MRAP2: variants seen among roughly 807,000 people sequenced by gnomAD.
MRAP2 encodes the protein melanocortin-2 receptor accessory protein 2.
MRAP2 carries 20 observed loss-of-function variants against 17.4 expected under a neutral mutation model. That is an observed-to-expected ratio of 1.15 (90% CI 0.81 to 1.67). The LOEUF (loss-of-function observed/expected upper bound fraction) is 1.67. Ranked by LOEUF, MRAP2 falls within the 40% of genes most tolerant of loss-of-function variation. MRAP2 has a pLI of 0.00. For missense variants in MRAP2, 238 were observed against 240.0 expected (o/e 0.99, Z 0.05); for synonymous variants, 96 against 88.4 (o/e 1.09, Z -0.48).
At chr6:84,048,306 T>A (rs1183218285) in intron 1 of MRAP2, among the ~76,000 whole-genome samples, 1 of 152,220 alleles carries the variant, frequency 6.6e-6, no homozygotes, top group Non-Finnish European at 1.5e-5. Context: ...ATAATTGCCA[T>A]CTTAATAGGG....
intron 3 of MRAP2, among the ~76,000 whole-genome samples, chr6:84,072,959 A>G (rs899594744): frequency 5.9e-5 from 9 of 152,100 alleles, no homozygotes; most frequent in Admixed American, 1.3e-4. Flanking sequence ...GTTTCCAGGC[A>G]ATGGGCAGCC....
the MRAP2 span, among the ~76,000 whole-genome samples, chr6:84,128,402 C>T: frequency 6.6e-6 from 1 of 152,008 alleles, no homozygotes; most frequent in Non-Finnish European, 1.5e-5. Context: ...GCTATGTACA[C>T]ATTATTTAAA....
the MRAP2 span, chr6:84,124,894 C>G: frequency 1.6e-6 from 1 of 618,746 alleles, no homozygotes. Context: ...TAAAATACAC[C>G]ATTATATGTT....
chr6:84,035,219 C>T (rs1303387885), intron 1 of MRAP2, among the ~76,000 whole-genome samples: 2 of 152,148 alleles, frequency 1.3e-5, no homozygotes, highest in African/African-American at 4.8e-5. Flanking sequence ...AAATGGCAGA[C>T]GTCCTAGAGT....
intron 2 of MRAP2, among the ~76,000 whole-genome samples, chr6:84,061,566 G>C (rs1252721618): frequency 6.6e-6 from 1 of 152,204 alleles, no homozygotes; most frequent in Non-Finnish European, 1.5e-5. Context: ...AATTAGTTGA[G>C]GCTTAGTAGA....
chr6:84,093,310 T>A (rs141887429), downstream of MRAP2, among the ~76,000 whole-genome samples: 711 of 152,226 alleles, frequency 4.7e-3, 12 homozygotes, highest in African/African-American at 0.016. Context: ...TTATCCTATG[T>A]AGGAACTTGA....
chr6:84,109,097 G>A, the MRAP2 span, among the ~76,000 whole-genome samples: 9 of 152,006 alleles, frequency 5.9e-5, no homozygotes, highest in African/African-American at 1.9e-4. Flanking sequence ...GTTTGAAGGC[G>A]GGTAGTGTGA....
chr6:84,061,859 G>T lies in MRAP2; in HGVS notation c.128-1034G>T, dbSNP rs1033420206. 5.1e-6 allele frequency: 5 copies of T among 985,320 alleles called. No homozygotes were observed. The Admixed American group carries it at 2.5e-4, about 48-fold the overall frequency. 61.0% of individuals were successfully genotyped at this position (985,320 alleles called of 1,614,324 possible). On this transcript the variant is annotated intron_variant, in intron 2 of 3. Transcript: ENST00000257776. ...CATTGTATAAAGTGCTTTATGTGTG[G>T]AATCTCTTTTACTCTGGAAAAGTGG...
At chr6:84,143,454 T>C in the MRAP2 span, among the ~76,000 whole-genome samples, 1 of 151,920 alleles carries the variant, frequency 6.6e-6, no homozygotes, top group Non-Finnish European at 1.5e-5. Context: ...ATGCAAAATA[T>C]ACAAGGAAAA....
the MRAP2 span, among the ~76,000 whole-genome samples, chr6:84,119,062 T>C: frequency 1.3e-5 from 2 of 152,236 alleles, no homozygotes; most frequent in South Asian, 2.1e-4. Context: ...TTTGTGATAA[T>C]ATACTGTTTT....
chr6:84,114,459 C>T, the MRAP2 span, among the ~76,000 whole-genome samples: 2,278 of 152,146 alleles, frequency 0.015, 46 homozygotes, highest in African/African-American at 0.051. Context: ...ACTGGTCATT[C>T]TAGTTAGGAA....
rs373338668 is a variant in MRAP2 at position 84,082,604 on chromosome 6, GTC to G, written c.228-6478_228-6477del. Among the ~76,000 whole-genome samples the G allele has an allele frequency of 1.2e-3, 177 of 152,036 alleles. 3 individuals carry two copies. Among genetic ancestry groups the G allele is most frequent in the African/African-American group, 4.1e-3 (171 of 41,468 alleles). On this transcript the variant is annotated intron_variant, in intron 3 of 3. Coordinates refer to ENST00000257776, the MANE Select transcript of MRAP2 (RefSeq NM_138409.4). Reference sequence around the variant, plus strand: ...TCTTCTTACTTATAACTTCCTCCATGTCTCTCTCTCCTGCTTACCAGTAGAGA... The same window carrying G: ...TCTTCTTACTTATAACTTCCTCCATGTCTCTCTCCTGCTTACCAGTAGAGA...
At chr6:84,122,899 A>G in the MRAP2 span, among the ~76,000 whole-genome samples, 1 of 152,132 alleles carries the variant, frequency 6.6e-6, no homozygotes, top group Non-Finnish European at 1.5e-5. Flanking sequence ...TACAAAATCA[A>G]TATACAAAAC....
At chr6:84,073,431 G>A (rs1055481978) in intron 3 of MRAP2, among the ~76,000 whole-genome samples, 6 of 152,198 alleles carry the variant, frequency 3.9e-5, no homozygotes, top group African/African-American at 1.4e-4. Flanking sequence ...CACAGTATTT[G>A]GGGTATCTCC....
the MRAP2 span, among the ~76,000 whole-genome samples, chr6:84,110,689 G>C: frequency 6.6e-6 from 1 of 152,314 alleles, no homozygotes; most frequent in East Asian, 1.9e-4. Flanking sequence ...CCTATGTCCT[G>C]AATGGTATTG....
chr6:84,130,998 T>C, the MRAP2 span, among the ~76,000 whole-genome samples: 1 of 152,244 alleles, frequency 6.6e-6, no homozygotes, highest in African/African-American at 2.4e-5. Context: ...CATTTAGTGC[T>C]ATAAATTTCC....
chr6:84,092,144 G>A (rs75857432), downstream of MRAP2, among the ~76,000 whole-genome samples: 685 of 152,214 alleles, frequency 4.5e-3, 3 homozygotes, highest in African/African-American at 0.015. Context: ...TAACCATCCT[G>A]CTTCTCTCTT....
At chr6:84,073,427 A>G (rs2099496745) in intron 3 of MRAP2, among the ~76,000 whole-genome samples, 1 of 152,108 alleles carries the variant, frequency 6.6e-6, no homozygotes, top group South Asian at 2.1e-4. Context: ...CACCCACAGT[A>G]TTTGGGGTAT....
At chr6:84,134,211 C>T in the MRAP2 span, among the ~76,000 whole-genome samples, 4 of 152,172 alleles carry the variant, frequency 2.6e-5, no homozygotes, top group Non-Finnish European at 5.9e-5. Context: ...ACTCCCCCCA[C>T]CAAGCTTGAG....
Sources: gnomAD v4.1 joint callset for allele counts (sites outside exome capture counted in the v4.1 genomes callset) on GRCh38, gnomAD v4.1.1 for gene constraint, MANE v1.5 for transcripts, NCBI Gene and HGNC (gene_info 2026-07-23, HGNC 2026-07-21) for gene names.